SLC41A3: variants seen among roughly 807,000 people sequenced by gnomAD.
SLC41A3 encodes the protein solute carrier family 41 member 3.
In SLC41A3, 44 loss-of-function variants were observed where a neutral mutation model predicts 45.4. That is an observed-to-expected ratio of 0.97 (90% CI 0.76 to 1.25). SLC41A3 has a LOEUF of 1.25. Ranked by LOEUF, SLC41A3 falls within the 50% of genes most tolerant of loss-of-function variation. The probability of loss-of-function intolerance (pLI) is 0.00; values close to 1 mark genes in which losing one functional copy is unlikely to be tolerated. For missense variants in SLC41A3, 550 were observed against 600.6 expected, an observed-to-expected ratio of 0.92 and a Z score of 0.88; for synonymous variants, 256 against 252.4, an observed-to-expected ratio of 1.01 and a Z score of -0.13.
chr3:126,008,361 G>C lies in SLC41A3; in HGVS notation c.1254+371C>G, dbSNP rs897411334. On this transcript the variant is annotated intron_variant, in intron 10 of 10. Transcript: ENST00000360370. ...GTGTGTAGTGTGTGTGGTGTGCACT[G>C]TGTGGTGTGGAGTGTGTGGTGTGAA... Among the ~76,000 whole-genome samples the C allele has an allele frequency of 1.2e-4, 18 of 152,282 alleles. 1 individual carries two copies. The highest frequency in any genetic ancestry group is 4.1e-4 in the African/African-American group (17 of 41,548).
intron 4 of SLC41A3, among the ~76,000 whole-genome samples, chr3:126,032,141 TG>T (rs1353810086): frequency 3.4e-5 from 5 of 149,066 alleles, no homozygotes; most frequent in Non-Finnish European, 7.4e-5. Context: ...TGTGAAGGGG[TG>T]GGGGCTGGGC....
intron 3 of SLC41A3, among the ~76,000 whole-genome samples, chr3:126,043,493 T>C (rs1942726293): frequency 6.7e-6 from 1 of 150,116 alleles, no homozygotes; most frequent in South Asian, 2.1e-4. Flanking sequence ...CAAAAAAGTA[T>C]TAAAAATTGT....
At chr3:126,062,668 C>T (rs182492725) in intron 2 of SLC41A3, among the ~76,000 whole-genome samples, 65 of 152,360 alleles carry the variant, frequency 4.3e-4, no homozygotes, top group African/African-American at 1.4e-3. Context: ...AAACTGAGAG[C>T]CGTCCCCAAC....
chr3:126,071,079 G>C (rs1234989025), intron 1 of SLC41A3, among the ~76,000 whole-genome samples: 4 of 152,094 alleles, frequency 2.6e-5, no homozygotes, highest in Non-Finnish European at 5.9e-5. Flanking sequence ...ATGCAGTAAT[G>C]GGGAAACAGG....
chr3:126,008,840 C>G lies in SLC41A3; in HGVS notation c.1146G>C (p.Val382=). 1.2e-6 allele frequency: 2 copies of G among 1,614,172 alleles called. No homozygotes were observed. Among genetic ancestry groups the G allele is most frequent in the Non-Finnish European group, 8.5e-7 (1 of 1,180,030 alleles). Residue 382 remains valine, a synonymous_variant, in exon 10 of 11, where the codon GTG becomes GTC. Transcript: ENST00000360370. The part of the protein sequence containing the change: ...SMSARVLLLL[V]VPGHLIFFYI... ...AGAAGAAAATCAGATGGCCTGGGAC[C>G]ACCAGCAAGAGCAGGACTCGAGCTG...
At chr3:126,069,073 G>A (rs1944491844) in intron 1 of SLC41A3, among the ~76,000 whole-genome samples, 1 of 150,766 alleles carries the variant, frequency 6.6e-6, no homozygotes, top group South Asian at 2.2e-4. Flanking sequence ...CTATTAGGTT[G>A]GTGCGAAAGT....
At chr3:126,014,824 T>C (rs1412378193) in intron 8 of SLC41A3, among the ~76,000 whole-genome samples, 1 of 152,152 alleles carries the variant, frequency 6.6e-6, no homozygotes, top group African/African-American at 2.4e-5. Flanking sequence ...CAGAAACTTA[T>C]CAGACACCAG....
Position 126,029,472 on chromosome 3 carries a change from A to G in SLC41A3, c.454-2993T>C, listed in dbSNP as rs564292957. Among the ~76,000 whole-genome samples the G allele has an allele frequency of 2.0e-5, 3 of 151,200 alleles. No individual in the cohort carries two copies. The East Asian group carries it at 5.8e-4, about 29-fold the overall frequency. ...TTTCCTGAGGACTCCTCAGAAGCCA[A>G]GCAGATCCCAGTATCATGCTTCCTG... On this transcript the variant is annotated intron_variant, in intron 4 of 10. Coordinates refer to ENST00000360370, the MANE Select transcript of SLC41A3 (RefSeq NM_017836.4).
At position 126,033,508 on chromosome 3, in the gene SLC41A3, A is replaced by G. The variant is rs2107771674; in HGVS notation, c.453+99T>C. ...GCTACCTGTTCTCAAAGTTCAGGCC[A>G]GAGTGCAGGGACAAGAGCTCGCTTA... is the stretch of plus-strand genomic sequence containing the variant. On this transcript the variant is annotated intron_variant, in intron 4 of 10. Transcript: ENST00000360370. 3.8e-6 allele frequency: 5 copies of G among 1,308,668 alleles called. No individual in the cohort carries two copies. The African/African-American group carries it at 5.8e-5, about 15-fold the overall frequency. The allele number at this position is 1,308,668 out of a possible 1,614,324, so 81.1% of individuals were successfully genotyped here.
At chr3:126,083,880 T>G (rs1026412731) in intron 1 of SLC41A3, 1 of 115,902 alleles carries the variant, frequency 8.6e-6, no homozygotes, top group East Asian at 2.7e-4. Context: ...GTTTACCTCA[T>G]CTCCCGCGCG....
chr3:126,080,379 A>G (rs1213657773), intron 1 of SLC41A3, among the ~76,000 whole-genome samples: 1 of 152,016 alleles, frequency 6.6e-6, no homozygotes, highest in Non-Finnish European at 1.5e-5. Flanking sequence ...AAAAAAATCC[A>G]ATTAAAATAT....
intron 2 of SLC41A3, among the ~76,000 whole-genome samples, chr3:126,063,823 C>T (rs1287638789): frequency 6.6e-6 from 1 of 152,062 alleles, no homozygotes; most frequent in Non-Finnish European, 1.5e-5. Context: ...CCTGGGTGGG[C>T]CACAGGCAGC....
chr3:126,020,599 A>C (rs1178670045), intron 6 of SLC41A3, among the ~76,000 whole-genome samples: 2 of 152,114 alleles, frequency 1.3e-5, no homozygotes, highest in African/African-American at 4.8e-5. Context: ...CAGCCAGGGC[A>C]CTCTTAAAAT....
intron 3 of SLC41A3, 128 bp downstream of exon 3, chr3:126,050,815 A>G: frequency 7.1e-7 from 1 of 1,403,554 alleles, no homozygotes; most frequent in Non-Finnish European, 9.3e-7. Flanking sequence ...ATGATGAGGT[A>G]TCAAAACCCA....
intron 1 of SLC41A3, among the ~76,000 whole-genome samples, chr3:126,081,643 T>A (rs986550474): frequency 2.0e-5 from 3 of 152,334 alleles, no homozygotes; most frequent in East Asian, 3.9e-4. Flanking sequence ...AAAATTTTTT[T>A]AATATAAATA....
chr3:126,059,794 G>C (rs151217165), intron 2 of SLC41A3, among the ~76,000 whole-genome samples: 21 of 152,310 alleles, frequency 1.4e-4, no homozygotes, highest in Middle Eastern at 3.4e-3. Context: ...CCTGGTTAAA[G>C]ACAGAGTCCT....
chr3:126,022,761 G>A, intron 6 of SLC41A3, 25 bp downstream of exon 6: 1 of 1,613,732 alleles, frequency 6.2e-7, no homozygotes, highest in Non-Finnish European at 8.5e-7. Context: ...GAGCCTTTGT[G>A]TCTATAGAAG....
intron 2 of SLC41A3, chr3:126,056,638 C>T: frequency 1.3e-6 from 2 of 1,497,646 alleles, no homozygotes; most frequent in East Asian, 2.4e-5. Flanking sequence ...CACCAGGACG[C>T]TGTTCCCAAG....
intron 6 of SLC41A3, among the ~76,000 whole-genome samples, chr3:126,020,178 G>T (rs1940708381): frequency 6.6e-6 from 1 of 152,104 alleles, no homozygotes; most frequent in Non-Finnish European, 1.5e-5. Flanking sequence ...CCATGACTGG[G>T]ATGGCCAAGG....
Sources: allele counts gnomAD v4.1 joint callset (sites outside exome capture counted in the v4.1 genomes callset), GRCh38; gene constraint gnomAD v4.1.1; transcripts MANE v1.5; gene names NCBI Gene and HGNC (gene_info 2026-07-23, HGNC 2026-07-21).